Variants in AGBL1 observed in about 807,000 individuals in gnomAD.
AGBL1 encodes cytosolic carboxypeptidase 4.
In AGBL1, 130 loss-of-function variants were observed where a neutral mutation model predicts 118.9. The ratio of observed to expected loss-of-function variants is 1.09; its 90% CI spans 0.95 to 1.26. The LOEUF is 1.26. Ranked by LOEUF, AGBL1 falls within the 50% of genes most tolerant of loss-of-function variation. The pLI, the probability that AGBL1 is intolerant of heterozygous loss-of-function variation, is 0.00. For synonymous variants in AGBL1, 555 were observed against 478.9 expected, an observed-to-expected ratio of 1.16 and a Z score of -2.08; for missense variants, 1,584 against 1,298.1, an observed-to-expected ratio of 1.22 and a Z score of -3.38.
At chr15:86,215,645 T>C (rs1597568510) in intron 5 of AGBL1, among the ~76,000 whole-genome samples, 1 of 152,310 alleles carries the variant, frequency 6.6e-6, no homozygotes, top group South Asian at 2.1e-4. Flanking sequence ...TTCAGGCAGG[T>C]TAAGTTACCT....
intron 22 of AGBL1, among the ~76,000 whole-genome samples, chr15:86,888,733 G>A (rs1472254812): frequency 6.6e-6 from 1 of 151,954 alleles, no homozygotes; most frequent in Non-Finnish European, 1.5e-5. Flanking sequence ...TTAAAACATA[G>A]CATTCATGTC....
At chr15:87,017,282 A>G (rs199909068) in intron 24 of AGBL1, among the ~76,000 whole-genome samples, 5 of 152,132 alleles carry the variant, frequency 3.3e-5, no homozygotes, top group East Asian at 3.9e-4. Context: ...ACCAAAAAAA[A>G]CCAGACTGCT....
chr15:86,555,459 A>G (rs2083721044), intron 21 of AGBL1, among the ~76,000 whole-genome samples: 1 of 152,224 alleles, frequency 6.6e-6, no homozygotes, highest in African/African-American at 2.4e-5. Context: ...AATGCACATT[A>G]TCTAACTTCT....
intron 22 of AGBL1, among the ~76,000 whole-genome samples, chr15:86,773,509 C>A (rs192812684): frequency 3.3e-5 from 4 of 120,380 alleles, no homozygotes; most frequent in South Asian, 6.9e-4. Context: ...CCCCTCCCCC[C>A]ACCCCACAAC....
At chr15:86,888,338 A>G (rs550129643) in intron 22 of AGBL1, among the ~76,000 whole-genome samples, 155 of 151,242 alleles carry the variant, frequency 1.0e-3, no homozygotes, top group African/African-American at 3.6e-3. Context: ...CTAAATATTC[A>G]GAAGACTGGA....
intron 24 of AGBL1, among the ~76,000 whole-genome samples, chr15:87,028,021 G>C (rs578059887): frequency 7.2e-6 from 1 of 138,768 alleles, no homozygotes. Flanking sequence ...CACATCCTGC[G>C]CACATACACT....
intron 5 of AGBL1, among the ~76,000 whole-genome samples, chr15:86,209,284 T>C (rs1403833098): frequency 2.0e-5 from 3 of 152,198 alleles, no homozygotes; most frequent in Non-Finnish European, 4.4e-5. Context: ...GAGAAAAATG[T>C]ATATTTTGTT....
intron 22 of AGBL1, among the ~76,000 whole-genome samples, chr15:86,892,574 A>T (rs2080067104): frequency 6.6e-6 from 1 of 152,010 alleles, no homozygotes; most frequent in South Asian, 2.1e-4. Flanking sequence ...TCCAATTGTT[A>T]AGTAGGATTG....
downstream of AGBL1, among the ~76,000 whole-genome samples, chr15:86,917,800 G>GAT (rs1264006081): frequency 6.6e-6 from 1 of 151,956 alleles, no homozygotes; most frequent in Non-Finnish European, 1.5e-5. The surrounding 1 kb of genome is among the most constrained non-coding windows in gnomAD (Gnocchi z 4.8). Context: ...GAAGAGAGAG[G>GAT]ATGAGGACTT....
At chr15:86,208,783 T>C (rs2078040040) in intron 5 of AGBL1, among the ~76,000 whole-genome samples, 2 of 152,342 alleles carry the variant, frequency 1.3e-5, no homozygotes, top group Middle Eastern at 3.4e-3. Flanking sequence ...CCTGGATTCA[T>C]TGATTTTTTG....
At chr15:86,929,424 A>G (rs768983145) in intron 23 of AGBL1, among the ~76,000 whole-genome samples, 5 of 152,224 alleles carry the variant, frequency 3.3e-5, no homozygotes. Context: ...TACGCCTCAC[A>G]ATCCCAGCAA....
At position 86,224,966 on chromosome 15, in the gene AGBL1, TG is replaced by T. The variant is rs1182504802; in HGVS notation, c.526+16del. The T allele has an allele frequency of 6.2e-7, 1 of 1,612,894 alleles. No homozygotes were observed. Among genetic ancestry groups the T allele is most frequent in the Admixed American group, 1.7e-5 (1 of 59,934 alleles). ...GCTGAAATCCAGTAAGCACCTCTTT[TG>T]AAGGGTGGCTATTTCTCTCCACTCT... On this transcript the variant is annotated intron_variant, in intron 6 of 22. Transcript: ENST00000614907.
chr15:86,681,143 T>C (rs2085947805), intron 22 of AGBL1, among the ~76,000 whole-genome samples: 1 of 152,168 alleles, frequency 6.6e-6, no homozygotes, highest in Non-Finnish European at 1.5e-5. Context: ...GTATCTGTTA[T>C]CTCTTCTTCT....
intron 22 of AGBL1, among the ~76,000 whole-genome samples, chr15:86,840,795 A>G (rs756939965): frequency 6.6e-6 from 1 of 152,002 alleles, no homozygotes; most frequent in Non-Finnish European, 1.5e-5. Context: ...TCTTCTTTTT[A>G]TCTCTTGCTT....
chr15:86,222,334 G>A (rs1402406306), intron 5 of AGBL1, among the ~76,000 whole-genome samples: 4 of 152,028 alleles, frequency 2.6e-5, no homozygotes, highest in African/African-American at 9.7e-5. Flanking sequence ...TCATTATTTT[G>A]TCTAAACACT....
chr15:86,827,693 G>T (rs2079047634), intron 22 of AGBL1, among the ~76,000 whole-genome samples: 1 of 145,030 alleles, frequency 6.9e-6, no homozygotes, highest in Non-Finnish European at 1.5e-5. Context: ...CACATCAGAG[G>T]CAATATTTGT....
At chr15:86,709,346 C>G (rs549348625) in intron 22 of AGBL1, among the ~76,000 whole-genome samples, 1 of 146,696 alleles carries the variant, frequency 6.8e-6, no homozygotes, top group East Asian at 2.0e-4. Context: ...AGGAATTTTT[C>G]AAAAAGCAGG....
chr15:86,724,475 G>C (rs2086789263), intron 22 of AGBL1, among the ~76,000 whole-genome samples: 1 of 152,030 alleles, frequency 6.6e-6, no homozygotes, highest in Non-Finnish European at 1.5e-5. Flanking sequence ...TAGCATCATG[G>C]ATGAATAGCA....
At chr15:86,738,154 T>A (rs962839760) in intron 22 of AGBL1, among the ~76,000 whole-genome samples, 10 of 152,222 alleles carry the variant, frequency 6.6e-5, no homozygotes, top group Non-Finnish European at 1.5e-5. Flanking sequence ...CTAAATTCAT[T>A]TATCAGTTTG....
Sources: gnomAD v4.1 joint callset for allele counts (sites outside exome capture counted in the v4.1 genomes callset) on GRCh38, gnomAD v4.1.1 for gene constraint, Gnocchi (gnomAD v3.1) non-coding constraint, MANE v1.5 for transcripts, NCBI Gene and HGNC (gene_info 2026-07-23, HGNC 2026-07-21) for gene names.